ARB2A: variants seen among roughly 807,000 people sequenced by gnomAD.
The protein encoded by ARB2A is ARB2 cotranscriptional regulator A.
the ARB2A span, among the ~76,000 whole-genome samples, chr5:93,960,079 A>G: frequency 2.9e-5 from 2 of 68,974 alleles, no homozygotes; most frequent in East Asian, 3.5e-4. Context: ...AAAACTCTAG[A>G]TGCCCCCCCC....
chr5:93,960,400 G>A, the ARB2A span, among the ~76,000 whole-genome samples: 3 of 151,778 alleles, frequency 2.0e-5, no homozygotes, highest in African/African-American at 4.8e-5. Context: ...TTTCCTCCAC[G>A]GCACATACCA....
chr5:93,871,229 G>A, the ARB2A span, among the ~76,000 whole-genome samples: 2 of 152,100 alleles, frequency 1.3e-5, no homozygotes, highest in African/African-American at 4.8e-5. Context: ...ATATTAATGG[G>A]TAGGATTTTT....
the ARB2A span, among the ~76,000 whole-genome samples, chr5:94,011,167 A>C: frequency 6.6e-6 from 1 of 152,118 alleles, no homozygotes; most frequent in African/African-American, 2.4e-5. Flanking sequence ...CAGTAGTCTC[A>C]TGGTTCTTCT....
chr5:94,041,879 G>A, the ARB2A span, among the ~76,000 whole-genome samples: 1 of 152,098 alleles, frequency 6.6e-6, no homozygotes, highest in Non-Finnish European at 1.5e-5. Flanking sequence ...GTGTGTCTTA[G>A]GCTAGTCTCC....
At chr5:93,721,542 A>G in the ARB2A span, among the ~76,000 whole-genome samples, 2 of 152,184 alleles carry the variant, frequency 1.3e-5, no homozygotes, top group African/African-American at 4.8e-5. Context: ...TGTTATTAGA[A>G]CATGTGAATC....
At chr5:93,996,231 A>G in the ARB2A span, among the ~76,000 whole-genome samples, 1 of 152,142 alleles carries the variant, frequency 6.6e-6, no homozygotes, top group East Asian at 1.9e-4. Flanking sequence ...ATACATACAC[A>G]TGCACAAGTA....
chr5:93,646,017 G>A, the ARB2A span, among the ~76,000 whole-genome samples: 1 of 152,068 alleles, frequency 6.6e-6, no homozygotes, highest in Admixed American at 6.5e-5. Context: ...CAGCTGCATG[G>A]ACTGTCATAA....
the ARB2A span, among the ~76,000 whole-genome samples, chr5:94,089,472 G>A: frequency 1.3e-5 from 2 of 152,032 alleles, no homozygotes; most frequent in Non-Finnish European, 2.9e-5. Context: ...CTGAAATCTG[G>A]ATATCGATAA....
the ARB2A span, among the ~76,000 whole-genome samples, chr5:94,013,152 C>T: frequency 6.7e-6 from 1 of 149,060 alleles, no homozygotes; most frequent in African/African-American, 2.5e-5. Context: ...ATCTCATGAA[C>T]AGAGACAGTT....
chr5:93,952,548 C>T, the ARB2A span, among the ~76,000 whole-genome samples: 25 of 152,162 alleles, frequency 1.6e-4, no homozygotes, highest in Non-Finnish European at 3.4e-4. Context: ...AGTATTGGAG[C>T]TCCATCGTAT....
the ARB2A span, among the ~76,000 whole-genome samples, chr5:93,690,089 C>A: frequency 9.9e-5 from 15 of 152,282 alleles, no homozygotes; most frequent in East Asian, 2.9e-3. Flanking sequence ...AGTGCCTATG[C>A]CACCAGGGCC....
At chr5:93,657,109 G>C in the ARB2A span, among the ~76,000 whole-genome samples, 18 of 152,136 alleles carry the variant, frequency 1.2e-4, no homozygotes, top group African/African-American at 4.3e-4. Flanking sequence ...CTGTAGATCT[G>C]AGATAAGATG....
At chr5:93,699,901 C>A in the ARB2A span, among the ~76,000 whole-genome samples, 3 of 151,628 alleles carry the variant, frequency 2.0e-5, no homozygotes, top group East Asian at 5.8e-4. Context: ...GGCTACGGAG[C>A]CTTGCAGAAC....
the ARB2A span, among the ~76,000 whole-genome samples, chr5:94,086,076 T>G: frequency 6.6e-6 from 1 of 152,210 alleles, no homozygotes; most frequent in Non-Finnish European, 1.5e-5. Flanking sequence ...ATTGATAGTG[T>G]TTTGAATCTT....
chr5:93,786,770 C>T, the ARB2A span, among the ~76,000 whole-genome samples: 4 of 152,152 alleles, frequency 2.6e-5, no homozygotes, highest in African/African-American at 9.7e-5. Flanking sequence ...CACAGTCCCC[C>T]CTTACTTCTT....
At chr5:94,070,812 C>T in the ARB2A span, among the ~76,000 whole-genome samples, 10 of 151,820 alleles carry the variant, frequency 6.6e-5, no homozygotes, top group Non-Finnish European at 1.5e-4. Context: ...TATAATTCAC[C>T]ATTAGGAAAA....
At chr5:93,722,333 A>G in the ARB2A span, among the ~76,000 whole-genome samples, 3 of 152,092 alleles carry the variant, frequency 2.0e-5, no homozygotes, top group African/African-American at 7.2e-5. Flanking sequence ...GATCCTTCTC[A>G]TCTTAAAACT....
the ARB2A span, among the ~76,000 whole-genome samples, chr5:94,021,107 T>TA: frequency 6.7e-5 from 10 of 149,288 alleles, no homozygotes; most frequent in Admixed American, 2.0e-4. Flanking sequence ...CCTCCACGAC[T>TA]AAAAAAAAAA....
At chr5:93,823,390 C>T in the ARB2A span, among the ~76,000 whole-genome samples, 1 of 152,080 alleles carries the variant, frequency 6.6e-6, no homozygotes, top group Non-Finnish European at 1.5e-5. Flanking sequence ...TATGATCAAG[C>T]AATGCATTCT....
Sources: allele counts gnomAD v4.1 joint callset (sites outside exome capture counted in the v4.1 genomes callset), GRCh38; gene constraint gnomAD v4.1.1; transcripts MANE v1.5; gene names NCBI Gene and HGNC (gene_info 2026-07-23, HGNC 2026-07-21).